The following CDIN1 variants were observed in gnomAD, a reference collection of about 807,000 sequenced individuals.
CDIN1 encodes the protein CDAN1-interacting nuclease 1.
In CDIN1, 33 loss-of-function variants were observed where a neutral mutation model predicts 45.3. That is an observed-to-expected ratio of 0.73 (90% CI 0.55 to 0.97). The LOEUF (loss-of-function observed/expected upper bound fraction) is 0.97, where lower values mean the gene tolerates loss of function less well. CDIN1 is among the 50% of genes least tolerant of loss of function. The pLI, the probability that CDIN1 is intolerant of heterozygous loss-of-function variation, is 0.00. For missense variants in CDIN1, 303 were observed against 339.4 expected (o/e 0.89, Z 0.84); for synonymous variants, 118 against 124.4 (o/e 0.95, Z 0.34).
At chr15:36,688,991 A>G (rs1034923767) in intron 5 of CDIN1, among the ~76,000 whole-genome samples, 1 of 152,196 alleles carries the variant, frequency 6.6e-6, no homozygotes, top group Non-Finnish European at 1.5e-5. Context: ...AAGAAGAGAA[A>G]AGACATTTTG....
intron 1 of CDIN1, among the ~76,000 whole-genome samples, chr15:36,602,983 CA>C (rs60188895): frequency 0.068 from 8,774 of 129,956 alleles, 310 homozygotes; most frequent in African/African-American, 0.13. Context: ...GACTCCGTCT[CA>C]AAAAAAAAAA....
intron 1 of CDIN1, chr15:36,619,392 A>G (rs1299899148): frequency 2.8e-6 from 1 of 357,254 alleles, no homozygotes; most frequent in Non-Finnish European, 5.1e-6. Context: ...ACATCCTTAA[A>G]TCATTATGGA....
intron 5 of CDIN1, among the ~76,000 whole-genome samples, chr15:36,690,470 T>C (rs544805077): frequency 6.6e-6 from 1 of 151,830 alleles, no homozygotes; most frequent in Admixed American, 6.6e-5. Flanking sequence ...GGGTTTCACC[T>C]TGTTAGCCAG....
intron 1 of CDIN1, among the ~76,000 whole-genome samples, chr15:36,590,534 C>G (rs920538321): frequency 6.6e-6 from 1 of 152,138 alleles, no homozygotes; most frequent in Non-Finnish European, 1.5e-5. Context: ...CAATTCTGTG[C>G]GAAGCCCAGT....
chr15:36,702,509 C>G (rs1384372797), intron 8 of CDIN1, among the ~76,000 whole-genome samples: 2 of 152,134 alleles, frequency 1.3e-5, no homozygotes, highest in African/African-American at 4.8e-5. Flanking sequence ...GCTCCCTGCT[C>G]CTGGCCCTCC....
chr15:36,658,767 G>T (rs1041967839), intron 5 of CDIN1, among the ~76,000 whole-genome samples: 4 of 152,210 alleles, frequency 2.6e-5, no homozygotes, highest in East Asian at 1.9e-4. Context: ...ACATCATTCA[G>T]TAGTACATGT....
intron 10 of CDIN1, among the ~76,000 whole-genome samples, chr15:36,722,086 G>C (rs1477112487): frequency 6.6e-6 from 1 of 152,088 alleles, no homozygotes; most frequent in Non-Finnish European, 1.5e-5. Context: ...TGAACAGAGA[G>C]CTAATCTAGT....
At chr15:36,730,406 A>G (rs958942663) in intron 10 of CDIN1, among the ~76,000 whole-genome samples, 5 of 152,138 alleles carry the variant, frequency 3.3e-5, no homozygotes, top group Non-Finnish European at 7.4e-5. Flanking sequence ...AAGATTTGGT[A>G]TTTTAACAAG....
At chr15:36,724,413 G>A (rs892210833) in intron 10 of CDIN1, among the ~76,000 whole-genome samples, 16 of 152,176 alleles carry the variant, frequency 1.1e-4, no homozygotes, top group Non-Finnish European at 2.9e-5. Flanking sequence ...TGTATTAAGT[G>A]GTTTAGAATA....
chr15:36,800,909 G>GTGTATATATATA (rs1156514805), intron 10 of CDIN1, among the ~76,000 whole-genome samples: 236 of 22,306 alleles, frequency 0.011, 6 homozygotes, highest in East Asian at 0.027. Context: ...GTGTGTGTGT[G>GTGTATATATATA]TATATATATA....
intron 5 of CDIN1, among the ~76,000 whole-genome samples, chr15:36,681,974 G>A (rs1038945833): frequency 1.3e-5 from 2 of 152,112 alleles, no homozygotes; most frequent in Non-Finnish European, 2.9e-5. Context: ...AGGAAATACG[G>A]CAAATGTGTT....
At chr15:36,722,985 G>GTGTGTGTGTT (rs111713255) in intron 10 of CDIN1, among the ~76,000 whole-genome samples, 12,086 of 119,056 alleles carry the variant, frequency 0.1, 604 homozygotes, top group Middle Eastern at 0.17. Flanking sequence ...GTGTGTGTGT[G>GTGTGTGTGTT]TTTCTCTCTC....
chr15:36,660,090 G>T (rs1482434265), intron 5 of CDIN1, among the ~76,000 whole-genome samples: 1 of 149,196 alleles, frequency 6.7e-6, no homozygotes, highest in African/African-American at 2.5e-5. Context: ...ACATGGCTCC[G>T]CAGTCAAATC....
At chr15:36,751,676 T>A (rs1015662700) in intron 10 of CDIN1, among the ~76,000 whole-genome samples, 1 of 152,188 alleles carries the variant, frequency 6.6e-6, no homozygotes, top group Non-Finnish European at 1.5e-5. Flanking sequence ...TTAATCATTC[T>A]GTTATAAAGA....
intron 1 of CDIN1, among the ~76,000 whole-genome samples, chr15:36,615,160 A>G (rs1196259460): frequency 6.6e-6 from 1 of 152,196 alleles, no homozygotes; most frequent in Non-Finnish European, 1.5e-5. Flanking sequence ...TTTAAAATTT[A>G]TATTATTTTG....
chr15:36,764,523 C>T (rs2053860310), intron 10 of CDIN1, among the ~76,000 whole-genome samples: 1 of 152,164 alleles, frequency 6.6e-6, no homozygotes, highest in African/African-American at 2.4e-5. Flanking sequence ...CGTTTATCTG[C>T]TACATAGAAT....
chr15:36,648,987 T>G (rs573507083), intron 3 of CDIN1, among the ~76,000 whole-genome samples: 7 of 152,266 alleles, frequency 4.6e-5, no homozygotes, highest in Admixed American at 2.6e-4. Context: ...ACTTCATAAG[T>G]GCTAGGAAAA....
chr15:36,746,873 C>A, intron 10 of CDIN1: 1 of 386,340 alleles, frequency 2.6e-6, no homozygotes, highest in South Asian at 1.3e-4. Context: ...CCTCAGTCTC[C>A]CAAGTAGCTG....
intron 1 of CDIN1, among the ~76,000 whole-genome samples, chr15:36,639,452 A>C (rs1367330177): frequency 1.3e-5 from 2 of 152,166 alleles, no homozygotes; most frequent in Non-Finnish European, 2.9e-5. Flanking sequence ...TAAAAATACA[A>C]AAATTAGCCG....
Sources: allele counts gnomAD v4.1 joint callset (sites outside exome capture counted in the v4.1 genomes callset), GRCh38; gene constraint gnomAD v4.1.1; transcripts MANE v1.5; gene names NCBI Gene and HGNC (gene_info 2026-07-23, HGNC 2026-07-21).